PSG5: variants seen among roughly 807,000 people sequenced by gnomAD.
PSG5 encodes the protein pregnancy specific beta-1-glycoprotein 5, also known as pregnancy-specific beta-1-glycoprotein 5.
PSG5 carries 53 observed loss-of-function variants against 37.7 expected under a neutral mutation model. The observed-to-expected ratio is 1.41, with a 90% CI of 1.13 to 1.77. The LOEUF is 1.77. Ranked by LOEUF, PSG5 falls within the 40% of genes most tolerant of loss-of-function variation. PSG5 has a pLI of 0.00. For missense variants in PSG5, 547 were observed against 405.2 expected (o/e 1.35, Z -3.00); for synonymous variants, 221 against 155.4 (o/e 1.42, Z -3.14).
At chr19:43,170,545 A>G (rs756521158) in intron 4 of PSG5, 14 of 417,844 alleles carry the variant, frequency 3.4e-5, no homozygotes, top group Admixed American at 9.1e-5. Flanking sequence ...CAGAAGGCCC[A>G]CGTCCGTGCA....
chr19:43,178,572 T>C (rs1490893494), intron 2 of PSG5, among the ~76,000 whole-genome samples: 2 of 151,564 alleles, frequency 1.3e-5, no homozygotes, highest in South Asian at 4.1e-4. Flanking sequence ...GTGAGCCAAG[T>C]CGCAACACTG....
At chr19:43,186,305 C>A in intron 1 of PSG5, 37 bp downstream of exon 1, 1 of 1,610,178 alleles carries the variant, frequency 6.2e-7, no homozygotes, top group Non-Finnish European at 8.5e-7. Flanking sequence ...CACTCTTCTT[C>A]CTCCTCCTGT....
chr19:43,172,009 G>C (rs1237614506), intron 4 of PSG5, among the ~76,000 whole-genome samples: 1 of 144,018 alleles, frequency 6.9e-6, no homozygotes, highest in Non-Finnish European at 1.5e-5. Context: ...GAAAAAGAAA[G>C]AAAGAAAAAT....
intron 2 of PSG5, among the ~76,000 whole-genome samples, chr19:43,184,428 C>A (rs1050417639): frequency 1.3e-5 from 2 of 151,608 alleles, no homozygotes; most frequent in African/African-American, 2.4e-5. Flanking sequence ...CTCTGAGGGT[C>A]TCAGGGGGCC....
At chr19:43,172,116 A>T (rs1346393427) in intron 4 of PSG5, among the ~76,000 whole-genome samples, 1 of 151,566 alleles carries the variant, frequency 6.6e-6, no homozygotes, top group Non-Finnish European at 1.5e-5. Flanking sequence ...AAATAGACAA[A>T]CTCCTAGAAA....
intron 2 of PSG5, among the ~76,000 whole-genome samples, chr19:43,176,455 G>A (rs1476288088): frequency 6.6e-6 from 1 of 151,518 alleles, no homozygotes; most frequent in African/African-American, 2.4e-5. Flanking sequence ...TCCATAATCA[G>A]TTGACTGGCT....
intron 2 of PSG5, chr19:43,178,955 A>G (rs199865417): frequency 2.7e-5 from 44 of 1,612,854 alleles, no homozygotes; most frequent in South Asian, 2.3e-4. Flanking sequence ...AGGGTCCTGC[A>G]ATATACTTTG....
chr19:43,177,816 G>A (rs62115021), intron 2 of PSG5, among the ~76,000 whole-genome samples: 11,646 of 151,480 alleles, frequency 0.077, 709 homozygotes, highest in African/African-American at 0.1. Context: ...GGGTAGTATT[G>A]TCTTTCTAAC....
chr19:43,186,393 A>T lies in PSG5; in HGVS notation c.13T>A (p.Ser5Thr). Residue 5 changes from serine (S) to threonine (T), a missense_variant, in exon 1 of 6, where the codon TCA (serine) becomes ACA (threonine). Coordinates refer to ENST00000342951, the MANE Select transcript of PSG5 (RefSeq NM_002781.4). MGPLSAPPCTQHITW... is the reference protein window; with the variant it reads MGPLTAPPCTQHITW... Reference sequence around the variant, plus strand: ...ATGTGCTGTGTGCAGGGAGGGGCTGAGAGGGGCCCCATGGTCTCTGCGCCT... The same window carrying T: ...ATGTGCTGTGTGCAGGGAGGGGCTGTGAGGGGCCCCATGGTCTCTGCGCCT... 1 of 1,612,212 alleles carries T rather than the reference A, an allele frequency of 6.2e-7. No individual in the cohort carries two copies. The highest frequency in any genetic ancestry group is 8.5e-7 in the Non-Finnish European group (1 of 1,178,932).
rs1330217405 is a variant in PSG5, at chr19:43,181,972, G to C, written c.430+2810C>G. ...CATGGGCATTGGGGACTGCAGGCCTGTCCAGCCTCTGACACCCTGGTGAGT... is the reference window on the plus strand; with the variant it reads ...CATGGGCATTGGGGACTGCAGGCCTCTCCAGCCTCTGACACCCTGGTGAGT... On this transcript the variant is annotated intron_variant, in intron 2 of 5. Transcript: ENST00000342951. 2.6e-5 allele frequency among the ~76,000 whole-genome samples: 4 copies of C among 151,762 alleles called. 1 individual carries two copies. The highest frequency in any genetic ancestry group is 4.2e-4 in the South Asian group (2 of 4,818).
At chr19:43,183,695 A>T (rs10425206) in intron 2 of PSG5, among the ~76,000 whole-genome samples, 102,056 of 150,702 alleles carry the variant, frequency 0.68, 35,869 homozygotes, top group East Asian at 0.99. Flanking sequence ...GAGGTTTAGA[A>T]GCCTAAGAAG....
chr19:43,178,768 C>T, intron 2 of PSG5: 1 of 1,606,170 alleles, frequency 6.2e-7, no homozygotes, highest in Non-Finnish European at 8.5e-7. Context: ...GCTTTGATGT[C>T]CAGGGGTAAA....
chr19:43,174,470 G>T, intron 4 of PSG5: 1 of 768,118 alleles, frequency 1.3e-6, no homozygotes, highest in Non-Finnish European at 1.6e-6. Context: ...CTCTGCATCA[G>T]TCACTATCCT....
At chr19:43,179,917 G>T (rs1599752096) in intron 2 of PSG5, among the ~76,000 whole-genome samples, 1 of 151,904 alleles carries the variant, frequency 6.6e-6, no homozygotes, top group East Asian at 1.9e-4. Flanking sequence ...CCCTTGTAGA[G>T]GGCAGGTGAG....
At chr19:43,179,456 G>A (rs368705316) in intron 2 of PSG5, among the ~76,000 whole-genome samples, 8 of 151,578 alleles carry the variant, frequency 5.3e-5, no homozygotes, top group Admixed American at 1.3e-4. Context: ...GAGTTCCTCC[G>A]ACTAAAACTG....
At chr19:43,169,923 G>A in intron 5 of PSG5, 132 bp downstream of exon 5, 1 of 570,514 alleles carries the variant, frequency 1.8e-6, no homozygotes, top group Non-Finnish European at 3.3e-6. Context: ...GCAGGAATTA[G>A]TTCTGAGAAG....
Position 43,173,720 on chromosome 19 carries a change from G to A in PSG5, c.964+1495C>T, listed in dbSNP as rs374108249. Among the ~76,000 whole-genome samples, 10 of 151,744 alleles carry A rather than the reference G, an allele frequency of 6.6e-5. No homozygotes were observed. In the South Asian group the frequency reaches 1.5e-3, roughly 22 times the overall value. ...AAATGACAGCAACACAAAACAACAG[G>A]TGTTTTCAAGTAGATGGAAAAATTG... is the stretch of plus-strand genomic sequence containing the variant. On this transcript the variant is annotated intron_variant, in intron 4 of 5. Transcript: ENST00000342951.
intron 2 of PSG5, among the ~76,000 whole-genome samples, chr19:43,181,376 A>G (rs985794838): frequency 2.0e-5 from 3 of 151,622 alleles, no homozygotes; most frequent in South Asian, 2.1e-4. Flanking sequence ...GGAAGTTTCT[A>G]TTGACACATC....
intron 5 of PSG5, among the ~76,000 whole-genome samples, 165 bp from the exon 6 acceptor site, chr19:43,168,368 T>TA (rs200529864): frequency 1.1e-4 from 17 of 151,040 alleles, no homozygotes; most frequent in Non-Finnish European, 1.6e-4. Context: ...AATACTCATT[T>TA]AAAAAAATTT....
Sources: allele counts gnomAD v4.1 joint callset (sites outside exome capture counted in the v4.1 genomes callset), GRCh38; gene constraint gnomAD v4.1.1; transcripts MANE v1.5; gene names NCBI Gene and HGNC (gene_info 2026-07-23, HGNC 2026-07-21).